CSMD1: variants seen among roughly 807,000 people sequenced by gnomAD.
CSMD1 encodes the protein CUB and Sushi multiple domains 1.
A neutral mutation model predicts 417.5 loss-of-function variants in CSMD1; 213 were observed. The ratio of observed to expected loss-of-function variants is 0.51; its 90% CI spans 0.46 to 0.57. The LOEUF is 0.57. Ranked by LOEUF, CSMD1 falls within the 20% of genes least tolerant of loss-of-function variation. The pLI, the probability that CSMD1 is intolerant of heterozygous loss-of-function variation, is 0.00. For synonymous variants in CSMD1, 2,862 were observed against 1,736.8 expected (o/e 1.65, Z -16.11); for missense variants, 6,923 against 4,529.7 (o/e 1.53, Z -15.17).
chr8:3,690,381 T>C (rs1800175066), intron 7 of CSMD1, among the ~76,000 whole-genome samples: 1 of 152,182 alleles, frequency 6.6e-6, no homozygotes, highest in Non-Finnish European at 1.5e-5. Context: ...AAAAATTACC[T>C]GAATCTAAAA....
At chr8:4,715,848 T>C (rs1161076251) in intron 1 of CSMD1, among the ~76,000 whole-genome samples, 2 of 152,228 alleles carry the variant, frequency 1.3e-5, no homozygotes, top group Non-Finnish European at 2.9e-5. Flanking sequence ...TGGACTTTGC[T>C]TGGATTACGG....
chr8:3,314,113 C>G (rs1184901805), intron 23 of CSMD1, among the ~76,000 whole-genome samples: 3 of 149,588 alleles, frequency 2.0e-5, no homozygotes, highest in Non-Finnish European at 2.9e-5. Flanking sequence ...CACACCGGAG[C>G]CTGTTGTGGG....
chr8:3,119,430 G>T (rs975556523), intron 41 of CSMD1, among the ~76,000 whole-genome samples: 6 of 126,752 alleles, frequency 4.7e-5, no homozygotes, highest in African/African-American at 1.7e-4. Flanking sequence ...TAATCCCTAA[G>T]CTGACAACTA....
intron 5 of CSMD1, among the ~76,000 whole-genome samples, chr8:3,949,669 A>G (rs778647164): frequency 6.6e-6 from 1 of 152,038 alleles, no homozygotes; most frequent in Admixed American, 6.6e-5. Flanking sequence ...GATGAGAGAA[A>G]GGAGGAGGAG....
At chr8:4,542,771 G>C (rs1480234070) in intron 2 of CSMD1, among the ~76,000 whole-genome samples, 1 of 151,728 alleles carries the variant, frequency 6.6e-6, no homozygotes, top group African/African-American at 2.4e-5. Flanking sequence ...GTAAACATAT[G>C]GTAGCCATAC....
chr8:3,490,825 ATCTGG>A (rs1818329857), intron 11 of CSMD1, among the ~76,000 whole-genome samples: 1 of 152,152 alleles, frequency 6.6e-6, no homozygotes, highest in Non-Finnish European at 1.5e-5. Context: ...AAATATAGAT[ATCTGG>A]GCCCTCAGAT....
chr8:4,788,162 CAAG>C (rs1490503607), intron 1 of CSMD1: 1 of 1,597,070 alleles, frequency 6.3e-7, no homozygotes, highest in African/African-American at 1.3e-5. Flanking sequence ...GTGAAAAAAT[CAAG>C]AAGGCCTGTG....
At chr8:3,647,187 C>G (rs1401533362) in intron 7 of CSMD1, among the ~76,000 whole-genome samples, 1 of 152,086 alleles carries the variant, frequency 6.6e-6, no homozygotes, top group Non-Finnish European at 1.5e-5. Context: ...TCAAGAGGCA[C>G]ATGTGAAAAC....
At chr8:3,070,923 C>G (rs767670760) in intron 49 of CSMD1, among the ~76,000 whole-genome samples, 34 of 152,218 alleles carry the variant, frequency 2.2e-4, no homozygotes, top group Non-Finnish European at 4.3e-4. Context: ...GTTTGATTGG[C>G]TCATGGTTCT....
intron 5 of CSMD1, among the ~76,000 whole-genome samples, chr8:3,823,515 C>A (rs1801865533): frequency 6.6e-6 from 1 of 151,980 alleles, no homozygotes; most frequent in Admixed American, 6.6e-5. Context: ...AATCAAATAA[C>A]ATTTTGTTAT....
At chr8:4,496,356 G>T (rs1224765868) in intron 2 of CSMD1, among the ~76,000 whole-genome samples, 1 of 152,184 alleles carries the variant, frequency 6.6e-6, no homozygotes, top group Non-Finnish European at 1.5e-5. Flanking sequence ...CCAGTGATCA[G>T]CAGCGCAGGA....
At position 3,197,114 on chromosome 8, in the gene CSMD1, T is replaced by A. The variant is rs74932034; in HGVS notation, c.5194+2600A>T. Among the ~76,000 whole-genome samples, 959 of 152,320 alleles carry A rather than the reference T, an allele frequency of 6.3e-3. 12 individuals are homozygous for A. Among genetic ancestry groups the A allele is most frequent in the African/African-American group, 0.022 (927 of 41,570 alleles). On this transcript the variant is annotated intron_variant, in intron 33 of 69. Transcript: ENST00000635120. ...CATTAAAGAGCCTCTAGACTTACAT[T>A]GCTTCAGAAGTTCAGAAAGATGGTA...
At chr8:4,993,014 G>A (rs1247358341) in intron 1 of CSMD1, among the ~76,000 whole-genome samples, 3 of 152,176 alleles carry the variant, frequency 2.0e-5, no homozygotes, top group African/African-American at 7.2e-5. Flanking sequence ...AAGCCCAGGC[G>A]GCACGTCTCT....
chr8:3,841,259 A>G (rs2129094288), intron 5 of CSMD1, among the ~76,000 whole-genome samples: 1 of 152,302 alleles, frequency 6.6e-6, no homozygotes, highest in South Asian at 2.1e-4. Context: ...TAAATAGTTC[A>G]TGAGCTTGAT....
intron 2 of CSMD1, among the ~76,000 whole-genome samples, chr8:4,449,702 G>C (rs59114158): frequency 0.069 from 10,546 of 152,192 alleles, 978 homozygotes; most frequent in African/African-American, 0.21. Context: ...GAGAGAGAGG[G>C]AGTATGGGGA....
intron 25 of CSMD1, among the ~76,000 whole-genome samples, chr8:3,291,896 C>G (rs910308144): frequency 5.9e-5 from 9 of 151,946 alleles, no homozygotes; most frequent in African/African-American, 1.9e-4. Flanking sequence ...TCTTGCTTTT[C>G]TAGTTCTTTT....
chr8:4,155,111 G>A (rs1020029934), intron 3 of CSMD1, among the ~76,000 whole-genome samples: 3 of 152,296 alleles, frequency 2.0e-5, no homozygotes, highest in South Asian at 2.1e-4. Flanking sequence ...GTGGCCACAT[G>A]ACGCGCATGC....
intron 15 of CSMD1, 103 bp downstream of exon 15, chr8:3,405,924 A>C: frequency 9.4e-7 from 1 of 1,066,342 alleles, no homozygotes; most frequent in Non-Finnish European, 1.4e-6. Flanking sequence ...GTATTTTGTT[A>C]GGGCAGCCCT....
intron 2 of CSMD1, among the ~76,000 whole-genome samples, chr8:4,584,188 C>T (rs547138009): frequency 1.2e-4 from 19 of 152,140 alleles, no homozygotes; most frequent in East Asian, 1.2e-3. Flanking sequence ...TGCGACGGTC[C>T]GTGGCATCAT....
Sources: gnomAD v4.1 joint callset for allele counts (sites outside exome capture counted in the v4.1 genomes callset) on GRCh38, gnomAD v4.1.1 for gene constraint, MANE v1.5 for transcripts, NCBI Gene and HGNC (gene_info 2026-07-23, HGNC 2026-07-21) for gene names.